Variants in DNAJC9 observed in about 807,000 individuals in gnomAD.
The protein encoded by DNAJC9 is dnaJ homolog subfamily C member 9.
A neutral mutation model predicts 32.4 loss-of-function variants in DNAJC9; 18 were observed. The observed-to-expected ratio is 0.56, with a 90% CI of 0.38 to 0.82. The LOEUF is 0.82. Ranked by LOEUF, DNAJC9 falls within the 40% of genes least tolerant of loss-of-function variation. DNAJC9 has a pLI of 0.00. For missense variants in DNAJC9, 310 were observed against 321.8 expected (o/e 0.96, Z 0.28); for synonymous variants, 113 against 122.1 (o/e 0.93, Z 0.49).
At chr10:73,237,757 G>T (rs2043853217), downstream of DNAJC9, among the ~76,000 whole-genome samples, 2 of 151,688 alleles carry the variant, frequency 1.3e-5, no homozygotes, top group Admixed American at 1.3e-4. Flanking sequence ...AAAGTATCTC[G>T]CTACATCACC....
Position 73,246,718 on chromosome 10 carries a change from C to G in DNAJC9, c.291G>C (p.Trp97Cys). ...DSPVLTQDRDWEAYWRLLFKK... is the reference protein window; with the variant it reads ...DSPVLTQDRDCEAYWRLLFKK... The stretch of plus-strand genomic sequence containing the variant: ...TAAAGAGTAGCCGCCAATACGCCTC[C>G]CAGTCTCGGTCTTGGGTGAGCACAG... The change falls in exon 2 of 5, where the codon TGG becomes TGC. Residue 97 changes from tryptophan to cysteine, a missense_variant. By Grantham distance (215) the Trp-to-Cys change is radical (BLOSUM62 -2). Coordinates refer to ENST00000372950, the MANE Select transcript of DNAJC9 (RefSeq NM_015190.5). The G allele has an allele frequency of 6.2e-7, 1 of 1,614,000 alleles. No individual in the cohort carries two copies.
downstream of DNAJC9, among the ~76,000 whole-genome samples, chr10:73,240,172 C>CA (rs1483229517): frequency 6.6e-6 from 1 of 152,158 alleles, no homozygotes; most frequent in Non-Finnish European, 1.5e-5. Flanking sequence ...GTCTTCTCAC[C>CA]ACCATCAGGG....
chr10:73,239,319 C>A (rs72642250), downstream of DNAJC9: 2,136 of 1,551,520 alleles, frequency 1.4e-3, 29 homozygotes, highest in East Asian at 0.031. Flanking sequence ...TAGCTGGATA[C>A]ACAGTATCGT....
intron 2 of DNAJC9, chr10:73,233,121 A>G: frequency 6.4e-7 from 1 of 1,551,810 alleles, no homozygotes; most frequent in Non-Finnish European, 8.7e-7. Flanking sequence ...TCATGTGCTG[A>G]AACACCAAGA....
At chr10:73,244,134 G>A (rs2043982322) in intron 3 of DNAJC9, 1 of 560,554 alleles carries the variant, frequency 1.8e-6, no homozygotes, top group African/African-American at 1.9e-5. Flanking sequence ...ATTACCATTT[G>A]TTTTTTACCC....
intron 2 of DNAJC9, chr10:73,232,807 T>C: frequency 1.6e-6 from 1 of 619,070 alleles, no homozygotes; most frequent in Non-Finnish European, 2.9e-6. Context: ...GTGTTACTTA[T>C]TGAAAGGTTT....
chr10:73,240,400 AT>A (rs1490373668), downstream of DNAJC9, among the ~76,000 whole-genome samples: 8 of 152,180 alleles, frequency 5.3e-5, no homozygotes, highest in African/African-American at 1.9e-4. Context: ...TTGAGCTACA[AT>A]TTCAGCCACA....
At chr10:73,245,450 TA>T (rs59729317) in intron 3 of DNAJC9, among the ~76,000 whole-genome samples, 23,822 of 137,342 alleles carry the variant, frequency 0.17, 3,021 homozygotes, top group African/African-American at 0.35. Context: ...AGTTTTTCTT[TA>T]AAAAAAAAAA....
At chr10:73,244,365 C>T (rs1359899079) in intron 3 of DNAJC9, 2 of 157,106 alleles carry the variant, frequency 1.3e-5, no homozygotes, top group Non-Finnish European at 2.8e-5. Context: ...GGTGTGGTGG[C>T]ATGTGCTTGT....
downstream of DNAJC9, among the ~76,000 whole-genome samples, chr10:73,238,473 A>G (rs1463199655): frequency 1.3e-5 from 2 of 152,228 alleles, no homozygotes; most frequent in Non-Finnish European, 2.9e-5. Context: ...CACTTGGCCT[A>G]CCGCCTTGTT....
At chr10:73,240,590 T>C (rs2043922960), downstream of DNAJC9, among the ~76,000 whole-genome samples, 1 of 151,970 alleles carries the variant, frequency 6.6e-6, no homozygotes, top group South Asian at 2.1e-4. Context: ...CAGATGCCTG[T>C]AGTCCCAGCT....
Position 73,243,928 on chromosome 10 carries a change from G to A in DNAJC9, c.578C>T (p.Ala193Val). The A allele has an allele frequency of 3.7e-6, 6 of 1,613,774 alleles. No homozygotes were observed. Among genetic ancestry groups the A allele is most frequent in the Non-Finnish European group, 5.1e-6 (6 of 1,179,888 alleles). The change falls in exon 4 of 5, where the codon GCT (alanine) becomes GTT (valine). Residue 193 changes from alanine to valine, a missense_variant and splice_region_variant. By Grantham distance (64) the Ala-to-Val change is moderately conservative. Transcript: ENST00000372950. ...TTCTGCTTCTTTGGCCTCTTCCTGAGCCTGAAACAGGAACTCACATGAGAC... is the reference window on the plus strand; with the variant it reads ...TTCTGCTTCTTTGGCCTCTTCCTGAACCTGAAACAGGAACTCACATGAGAC... The part of the protein sequence containing the change: ...KQKMNARKRR[A>V]QEEAKEAEMS...
At chr10:73,234,761 G>A (rs1417663043), downstream of DNAJC9, 16 of 1,529,194 alleles carry the variant, frequency 1.0e-5, no homozygotes, top group South Asian at 1.9e-4. Context: ...TCAATTTGCT[G>A]GTATTGTTAT....
At chr10:73,232,747 CT>C (rs1174023241) in intron 2 of DNAJC9, among the ~76,000 whole-genome samples, 2 of 152,214 alleles carry the variant, frequency 1.3e-5, no homozygotes, top group African/African-American at 4.8e-5. Flanking sequence ...TAATGTCCCA[CT>C]TTTAAGAACA....
chr10:73,246,620 G>A (rs1264970545), intron 2 of DNAJC9, 68 bp downstream of exon 2: 12 of 1,538,330 alleles, frequency 7.8e-6, no homozygotes, highest in Admixed American at 1.7e-5. Flanking sequence ...AGATCTTAGA[G>A]GCAGTCAATA....
chr10:73,241,000 G>C, downstream of DNAJC9: 16 of 1,541,634 alleles, frequency 1.0e-5, no homozygotes, highest in African/African-American at 1.4e-5. Context: ...CCAGTCTCTC[G>C]AACCAGGCAG....
chr10:73,242,327 T>C lies in DNAJC9; in HGVS notation c.*1073A>G, dbSNP rs1161820904. 6.6e-6 allele frequency: 1 copy of C among 152,186 alleles called. No individual in the cohort carries two copies. Among genetic ancestry groups the C allele is most frequent in the Non-Finnish European group, 1.5e-5 (1 of 68,040 alleles). The allele number at this position is 152,186 out of a possible 1,614,324, so 9.4% of individuals were successfully genotyped here. ...ATATTCTCATACCAACTCATCTACA[T>C]AGAAATGAAAATCTCTATTGTTCTC... On this transcript the variant is annotated 3_prime_UTR_variant, in exon 5 of 5. Transcript: ENST00000372950.
In DNAJC9 at chr10:73,243,006, T is replaced by C. The variant is rs2043970967; in HGVS notation, c.*394A>G. On this transcript the variant is annotated 3_prime_UTR_variant, in exon 5 of 5. Transcript: ENST00000372950. ...ATGTGGAAGATAGCTGTCCAGCAAGTGTCTGGAAGGTGTTCTAGCTGGGTA... is the reference window on the plus strand; with the variant it reads ...ATGTGGAAGATAGCTGTCCAGCAAGCGTCTGGAAGGTGTTCTAGCTGGGTA... The C allele has an allele frequency of 5.7e-6, 1 of 174,486 alleles. No homozygotes were observed. The highest frequency in any genetic ancestry group is 5.7e-5 in the Admixed American group (1 of 17,448). The allele number at this position is 174,486 out of a possible 1,614,324, so 10.8% of individuals were successfully genotyped here. A position where few individuals can be genotyped will look rare whatever the true frequency, so the allele number is the denominator to read the frequency against.
At position 73,246,700 on chromosome 10, in the gene DNAJC9, T is replaced by G; in HGVS notation, c.309A>C (p.Leu103=). Residue 103 remains leucine (L), a synonymous_variant, in exon 2 of 5, where the codon CTA becomes CTC. Transcript: ENST00000372950. ...CAGAGTCCTTTACCTTTTTAAAGAGTAGCCGCCAATACGCCTCCCAGTCTC... is the reference window on the plus strand; with the variant it reads ...CAGAGTCCTTTACCTTTTTAAAGAGGAGCCGCCAATACGCCTCCCAGTCTC... ...QDRDWEAYWR[L]LFKKISLEDI... The G allele has an allele frequency of 6.2e-7, 1 of 1,613,604 alleles. No individual in the cohort carries two copies. The highest frequency in any genetic ancestry group is 8.5e-7 in the Non-Finnish European group (1 of 1,179,796).
Sources: allele counts gnomAD v4.1 joint callset (sites outside exome capture counted in the v4.1 genomes callset), GRCh38; gene constraint gnomAD v4.1.1; transcripts MANE v1.5; gene names NCBI Gene and HGNC (gene_info 2026-07-23, HGNC 2026-07-21).